The following NCBP2L variants were observed in gnomAD, a reference collection of about 807,000 sequenced individuals.
NCBP2L encodes the protein nuclear cap binding protein subunit 2 like, also known as nuclear cap-binding protein subunit 2-like.
For synonymous variants in NCBP2L, 39 were observed against 19.2 expected (o/e 2.04, Z -2.70); for missense variants, 95 against 53.1 (o/e 1.79, Z -2.45).
intron 1 of NCBP2L, among the ~76,000 whole-genome samples, chrX:107,778,677 G>A (rs1467823457): frequency 8.9e-6 from 1 of 112,000 alleles, no homozygotes; most frequent in Non-Finnish European, 1.9e-5. Flanking sequence ...AAAGCGGAGG[G>A]GGGCCCCCAC....
At chrX:107,790,355 A>AT (rs1360973338) in intron 1 of NCBP2L, among the ~76,000 whole-genome samples, 2 of 111,161 alleles carry the variant, frequency 1.8e-5, no homozygotes, top group Non-Finnish European at 3.8e-5. Context: ...CCCTTAGTCT[A>AT]TCCTTCACAC....
intron 1 of NCBP2L, among the ~76,000 whole-genome samples, chrX:107,782,262 AAT>A (rs553487734): frequency 1.3e-3 from 18 of 13,791 alleles, no homozygotes; most frequent in Admixed American, 3.1e-3. Flanking sequence ...TATATATATA[AAT>A]ATATATATAT....
intron 1 of NCBP2L, among the ~76,000 whole-genome samples, chrX:107,792,403 G>A (rs1297236553): frequency 1.8e-5 from 2 of 109,137 alleles, no homozygotes; most frequent in Non-Finnish European, 3.8e-5. Context: ...GGGGCAATTT[G>A]TCAATGACTT....
chrX:107,780,755 G>A lies in NCBP2L; in HGVS notation c.-73+2897G>A, dbSNP rs180828277. 1.1e-3 allele frequency among the ~76,000 whole-genome samples: 119 copies of A among 106,244 alleles called. 1 individual carries two copies. The highest frequency in any genetic ancestry group is 1.9e-3 in the Non-Finnish European group (99 of 51,676). 92.3% of individuals were successfully genotyped at this position (106,244 alleles called of 115,157 possible). A position where few individuals can be genotyped will look rare whatever the true frequency, so the allele number is the denominator to read the frequency against. On this transcript the variant is annotated intron_variant, in intron 1 of 1. Coordinates refer to ENST00000509000, the MANE Select transcript of NCBP2L (RefSeq NM_001348372.2). ...AGCGATTCTTGTGCTTCAGCCTCCC[G>A]AGTAGCTGGGATTACAGACACATGC...
At chrX:107,792,149 A>T (rs922317591) in intron 1 of NCBP2L, among the ~76,000 whole-genome samples, 1 of 111,812 alleles carries the variant, frequency 8.9e-6, no homozygotes, top group Non-Finnish European at 1.9e-5. Context: ...CTGACACCAA[A>T]CCATGTGTTC....
In NCBP2L at chrX:107,795,138, T is replaced by C. The variant is rs1930503999; in HGVS notation, c.*456T>C. ...GAAACCATAGAAAAGTCTGGAAGAA[T>C]TTGTAATAAAAACAAAAATCCTCCT... On this transcript the variant is annotated 3_prime_UTR_variant, in exon 2 of 2. Transcript: ENST00000509000. 2 of 113,077 alleles carry C rather than the reference T, an allele frequency of 1.8e-5. No homozygotes were observed. The highest frequency in any genetic ancestry group is 1.9e-4 in the Admixed American group (2 of 10,685). 9.3% of individuals were successfully genotyped at this position (113,077 alleles called of 1,213,427 possible).
intron 1 of NCBP2L, among the ~76,000 whole-genome samples, chrX:107,780,485 C>T (rs770326631): frequency 1.8e-5 from 2 of 110,944 alleles, no homozygotes; most frequent in African/African-American, 3.3e-5. Flanking sequence ...CTCTCGGAGA[C>T]ATGGAATTGT....
In NCBP2L at chrX:107,794,711, C is replaced by G. The variant is rs1254254461; in HGVS notation, c.*29C>G. The G allele has an allele frequency of 1.8e-6, 1 of 541,155 alleles. No homozygotes were observed. The highest frequency in any genetic ancestry group is 2.6e-5 in the South Asian group (1 of 39,201). 44.6% of individuals were successfully genotyped at this position (541,155 alleles called of 1,213,427 possible). A position where few individuals can be genotyped will look rare whatever the true frequency, so the allele number is the denominator to read the frequency against. ...AATCCATAGAGAAAAAGTTTTAACT[C>G]TAACCCCTTGAAAAGTGTGTTATAG... On this transcript the variant is annotated 3_prime_UTR_variant, in exon 2 of 2. Coordinates refer to ENST00000509000, the MANE Select transcript of NCBP2L (RefSeq NM_001348372.2).
Position 107,781,194 on chromosome X carries a change from A to C in NCBP2L, c.-73+3336A>C, listed in dbSNP as rs144780522. 2.4e-3 allele frequency among the ~76,000 whole-genome samples: 263 copies of C among 107,779 alleles called. 2 individuals are homozygous for C. Among genetic ancestry groups the C allele is most frequent in the African/African-American group, 8.8e-3 (258 of 29,398 alleles). The allele number at this position is 107,779 out of a possible 115,157, so 93.6% of individuals were successfully genotyped here. A position where few individuals can be genotyped will look rare whatever the true frequency, so the allele number is the denominator to read the frequency against. On this transcript the variant is annotated intron_variant, in intron 1 of 1. Transcript: ENST00000509000. Reference sequence around the variant, plus strand: ...GGGCTTCCCATAGTGCTGGGATTACAGGCATGAGCCATGAAGGCCGGCTTT... The same window carrying C: ...GGGCTTCCCATAGTGCTGGGATTACCGGCATGAGCCATGAAGGCCGGCTTT...
chrX:107,785,094 GA>G (rs1358573557), intron 1 of NCBP2L, among the ~76,000 whole-genome samples: 1 of 110,846 alleles, frequency 9.0e-6, no homozygotes, highest in African/African-American at 3.3e-5. Flanking sequence ...GAAAGAAAGA[GA>G]AAAAAATAAA....
intron 1 of NCBP2L, among the ~76,000 whole-genome samples, chrX:107,791,806 G>T (rs1488518751): frequency 8.9e-6 from 1 of 112,236 alleles, no homozygotes. Context: ...TGCAAGATAG[G>T]TATTTTGCTC....
At chrX:107,788,583 A>G (rs1394190667) in intron 1 of NCBP2L, among the ~76,000 whole-genome samples, 1 of 112,453 alleles carries the variant, frequency 8.9e-6, no homozygotes, top group Non-Finnish European at 1.9e-5. Context: ...TTTAAAATAC[A>G]GTACCTCGAA....
chrX:107,788,038 A>G (rs1930406768), intron 1 of NCBP2L, among the ~76,000 whole-genome samples: 2 of 111,773 alleles, frequency 1.8e-5, no homozygotes, highest in African/African-American at 6.5e-5. Flanking sequence ...GCCATTCTTC[A>G]TGTTTTTCTT....
intron 1 of NCBP2L, among the ~76,000 whole-genome samples, chrX:107,789,189 T>G (rs1930420911): frequency 9.7e-6 from 1 of 103,350 alleles, no homozygotes; most frequent in Non-Finnish European, 2.0e-5. Context: ...TTTTTTTTTT[T>G]TTTTTTTTGG....
intron 1 of NCBP2L, among the ~76,000 whole-genome samples, chrX:107,783,126 T>C (rs754682023): frequency 3.5e-4 from 39 of 110,008 alleles, no homozygotes; most frequent in Admixed American, 3.1e-3. Flanking sequence ...AGATACCTAA[T>C]AAATATCTGA....
chrX:107,781,462 C>T (rs1192315639), intron 1 of NCBP2L, among the ~76,000 whole-genome samples: 2 of 98,986 alleles, frequency 2.0e-5, no homozygotes, highest in African/African-American at 8.0e-5. Flanking sequence ...AGTACCACCA[C>T]GCCCGGCTAA....
chrX:107,781,730 ATC>A (rs1426650919), intron 1 of NCBP2L, among the ~76,000 whole-genome samples: 2 of 79,016 alleles, frequency 2.5e-5, no homozygotes, highest in African/African-American at 1.1e-4. Context: ...ATATCTATAG[ATC>A]TATATATAGA....
At chrX:107,783,376 T>A (rs1325745813) in intron 1 of NCBP2L, among the ~76,000 whole-genome samples, 45 of 88,487 alleles carry the variant, frequency 5.1e-4, no homozygotes, top group African/African-American at 1.9e-3. Flanking sequence ...TTTTTTTTTT[T>A]TTTATTTTTT....
At chrX:107,789,341 T>C (rs1930423748) in intron 1 of NCBP2L, among the ~76,000 whole-genome samples, 1 of 110,578 alleles carries the variant, frequency 9.0e-6, no homozygotes, top group African/African-American at 3.3e-5. Flanking sequence ...ACTCCTTCTC[T>C]ACTTACTGGC....
Sources: gnomAD v4.1 joint callset for allele counts (sites outside exome capture counted in the v4.1 genomes callset) on GRCh38, gnomAD v4.1.1 for gene constraint, MANE v1.5 for transcripts, NCBI Gene and HGNC (gene_info 2026-07-23, HGNC 2026-07-21) for gene names.